SYT16: variants seen among roughly 807,000 people sequenced by gnomAD.
SYT16 encodes the protein synaptotagmin-16.
SYT16 carries 42 observed loss-of-function variants against 61.4 expected under a neutral mutation model. The observed-to-expected ratio is 0.68, with a 90% CI of 0.53 to 0.89. The LOEUF (loss-of-function observed/expected upper bound fraction) is 0.89, where lower values mean the gene tolerates loss of function less well. SYT16 is among the 40% of genes least tolerant of loss of function. The probability of loss-of-function intolerance (pLI) is 0.00; values close to 1 mark genes in which losing one functional copy is unlikely to be tolerated. For missense variants in SYT16, 804 were observed against 807.3 expected (o/e 1.00, Z 0.05); for synonymous variants, 314 against 302.3 (o/e 1.04, Z -0.40).
At chr14:62,061,008 C>T (rs150925478) in intron 3 of SYT16, among the ~76,000 whole-genome samples, 1,876 of 152,062 alleles carry the variant, frequency 0.012, 20 homozygotes, top group Non-Finnish European at 0.02. Context: ...ATAAAAGATA[C>T]AGTATTGCAT....
chr14:62,026,688 CTG>C (rs2054115889), intron 3 of SYT16, among the ~76,000 whole-genome samples: 1 of 152,190 alleles, frequency 6.6e-6, no homozygotes, highest in African/African-American at 2.4e-5. Context: ...AGCAGCATGT[CTG>C]TCTTGGTTAC....
intron 1 of SYT16, among the ~76,000 whole-genome samples, chr14:61,932,140 G>A (rs2049797507): frequency 1.3e-5 from 2 of 152,154 alleles, no homozygotes; most frequent in Admixed American, 1.3e-4. Context: ...AGCACACCCA[G>A]CTCCTTCATA....
At chr14:62,017,451 T>G (rs545373194) in intron 3 of SYT16, among the ~76,000 whole-genome samples, 45 of 152,334 alleles carry the variant, frequency 3.0e-4, no homozygotes, top group Middle Eastern at 3.4e-3. Context: ...AACAGATACC[T>G]CAAAATTAGT....
At chr14:61,865,588 G>GTA (rs1284057127) in intron 1 of SYT16, among the ~76,000 whole-genome samples, 1 of 152,164 alleles carries the variant, frequency 6.6e-6, no homozygotes, top group Non-Finnish European at 1.5e-5. Context: ...GTGGATTGCC[G>GTA]TAATACCGCA....
At chr14:61,915,588 G>A (rs1440894367) in intron 1 of SYT16, among the ~76,000 whole-genome samples, 2 of 152,090 alleles carry the variant, frequency 1.3e-5, no homozygotes, top group Non-Finnish European at 2.9e-5. Flanking sequence ...ACATGTGTGT[G>A]TATACATACA....
At chr14:62,011,075 G>A (rs2053427211) in intron 3 of SYT16, among the ~76,000 whole-genome samples, 4 of 152,092 alleles carry the variant, frequency 2.6e-5, no homozygotes, top group Admixed American at 2.6e-4. Context: ...AGGCAATATT[G>A]CTTATGTCCC....
At chr14:61,845,039 CTTTTTTTTTTTT>C (rs35131511) in intron 1 of SYT16, among the ~76,000 whole-genome samples, 11 of 97,620 alleles carry the variant, frequency 1.1e-4, no homozygotes, top group East Asian at 5.7e-4. Flanking sequence ...TACTAGAAGA[CTTTTTTTTTTTT>C]TTTTTTTTTT....
intron 1 of SYT16, among the ~76,000 whole-genome samples, chr14:61,846,800 C>G (rs936948053): frequency 6.6e-6 from 1 of 152,002 alleles, no homozygotes; most frequent in African/African-American, 2.4e-5. Flanking sequence ...TAGTTTCTTG[C>G]ATTTTATCTT....
intron 3 of SYT16, among the ~76,000 whole-genome samples, chr14:62,054,452 C>T (rs894103003): frequency 6.6e-6 from 1 of 151,356 alleles, no homozygotes; most frequent in African/African-American, 2.4e-5. Flanking sequence ...CCTCAATCTC[C>T]CAGGCTCAAG....
At chr14:61,832,976 A>G (rs1318592981) in intron 1 of SYT16, among the ~76,000 whole-genome samples, 4 of 152,136 alleles carry the variant, frequency 2.6e-5, no homozygotes, top group Non-Finnish European at 5.9e-5. Flanking sequence ...GTCAATTTTC[A>G]GGTCTGCTGA....
chr14:61,840,832 A>T (rs1283295373), intron 1 of SYT16, among the ~76,000 whole-genome samples: 1 of 152,194 alleles, frequency 6.6e-6, no homozygotes, highest in Non-Finnish European at 1.5e-5. Context: ...TGTGGGAGAA[A>T]ATAAGGAGAT....
intron 3 of SYT16, among the ~76,000 whole-genome samples, chr14:62,058,176 GT>G: frequency 1.3e-5 from 2 of 152,114 alleles, no homozygotes; most frequent in South Asian, 4.2e-4. Flanking sequence ...ATCTGTTCAT[GT>G]GTTGCCAGGC....
chr14:62,053,003 A>G (rs1402312616), intron 3 of SYT16, among the ~76,000 whole-genome samples: 5 of 152,236 alleles, frequency 3.3e-5, no homozygotes, highest in Non-Finnish European at 7.3e-5. Context: ...ACAAATGTGA[A>G]GGCAGCTTTG....
At chr14:62,030,276 A>T (rs1202155164) in intron 3 of SYT16, among the ~76,000 whole-genome samples, 2 of 152,186 alleles carry the variant, frequency 1.3e-5, no homozygotes, top group African/African-American at 2.4e-5. Context: ...TTTCAGTCGC[A>T]TGGTAGTTTT....
At chr14:61,894,286 G>A (rs1220145214) in intron 1 of SYT16, among the ~76,000 whole-genome samples, 4 of 143,744 alleles carry the variant, frequency 2.8e-5, no homozygotes, top group East Asian at 2.0e-4. Context: ...ACTCTGTCTC[G>A]AAATTAAAAA....
chr14:62,071,948 C>A (rs919443961), intron 4 of SYT16, among the ~76,000 whole-genome samples: 2 of 152,072 alleles, frequency 1.3e-5, no homozygotes, highest in African/African-American at 4.8e-5. Context: ...CTATTTAGAA[C>A]CATGTTCCAG....
At chr14:62,041,849 T>C (rs1200231995) in intron 3 of SYT16, among the ~76,000 whole-genome samples, 4 of 152,196 alleles carry the variant, frequency 2.6e-5, no homozygotes, top group Admixed American at 2.6e-4. Context: ...TTTTTCTCTG[T>C]GTTTCATTTT....
Position 62,107,803 on chromosome 14 carries a change from C to T in SYT16, c.*7096C>T, listed in dbSNP as rs945348225. The T allele has an allele frequency of 3.9e-5, 6 of 152,118 alleles. No homozygotes were observed. Among genetic ancestry groups the T allele is most frequent in the African/African-American group, 1.2e-4 (5 of 41,420 alleles). The allele number at this position is 152,118 out of a possible 1,614,324, so 9.4% of individuals were successfully genotyped here. A position where few individuals can be genotyped will look rare whatever the true frequency, so the allele number is the denominator to read the frequency against. ...ATCTGGGGGAGGAAATGCATCATTC[C>T]ATTCCAGCAGTGAAAAGAATTATAG... On this transcript the variant is annotated 3_prime_UTR_variant, in exon 8 of 8. Coordinates refer to ENST00000683842, the MANE Select transcript of SYT16 (RefSeq NM_001367656.1).
intron 1 of SYT16, chr14:61,832,039 G>A (rs886095916): frequency 7.1e-6 from 5 of 702,266 alleles, no homozygotes; most frequent in Admixed American, 2.0e-5. Context: ...GTGAAGCCAA[G>A]GAAGAACATG....
Sources: gnomAD v4.1 joint callset for allele counts (sites outside exome capture counted in the v4.1 genomes callset) on GRCh38, gnomAD v4.1.1 for gene constraint, MANE v1.5 for transcripts, NCBI Gene and HGNC (gene_info 2026-07-23, HGNC 2026-07-21) for gene names.